The following GALNTL6 variants were observed in gnomAD, a reference collection of about 807,000 sequenced individuals.
GALNTL6 encodes the protein polypeptide N-acetylgalactosaminyltransferase-like 6.
A neutral mutation model predicts 73.7 loss-of-function variants in GALNTL6; 46 were observed. The ratio of observed to expected loss-of-function variants is 0.62; its 90% CI spans 0.49 to 0.80. The LOEUF (loss-of-function observed/expected upper bound fraction) is 0.80, where lower values mean the gene tolerates loss of function less well. GALNTL6 is among the 30% of genes least tolerant of loss of function. The pLI, the probability that GALNTL6 is intolerant of heterozygous loss-of-function variation, is 0.00. For missense variants in GALNTL6, 604 were observed against 755.0 expected, an observed-to-expected ratio of 0.80 and a Z score of 2.34; for synonymous variants, 259 against 263.7, an observed-to-expected ratio of 0.98 and a Z score of 0.17.
chr4:171,993,630 G>A (rs898199845), intron 2 of GALNTL6, among the ~76,000 whole-genome samples: 1 of 151,928 alleles, frequency 6.6e-6, no homozygotes, highest in Non-Finnish European at 1.5e-5. Context: ...TAGAGTAGAG[G>A]ACTGAAAAAT....
At chr4:172,172,691 T>C (rs1365231940) in intron 2 of GALNTL6, among the ~76,000 whole-genome samples, 1 of 152,132 alleles carries the variant, frequency 6.6e-6, no homozygotes, top group Non-Finnish European at 1.5e-5. Flanking sequence ...TAGTACTTTC[T>C]TACAGCACAG....
intron 9 of GALNTL6, among the ~76,000 whole-genome samples, chr4:172,934,579 A>G (rs1748512366): frequency 6.6e-6 from 1 of 152,232 alleles, no homozygotes; most frequent in Non-Finnish European, 1.5e-5. Flanking sequence ...AAGCGTATTC[A>G]CTTGACATTA....
At chr4:172,895,703 C>T (rs547330058) in intron 8 of GALNTL6, among the ~76,000 whole-genome samples, 1 of 152,054 alleles carries the variant, frequency 6.6e-6, no homozygotes, top group Non-Finnish European at 1.5e-5. Flanking sequence ...TTTAAACAAA[C>T]TTTATGTTCA....
At chr4:172,095,851 T>C (rs1179592393) in intron 2 of GALNTL6, among the ~76,000 whole-genome samples, 1 of 152,036 alleles carries the variant, frequency 6.6e-6, no homozygotes, top group African/African-American at 2.4e-5. Context: ...TATTTTTTAC[T>C]TATCCTAAGT....
In GALNTL6 at chr4:172,542,503, TTTC is replaced by T. The variant is rs565515426; in HGVS notation, c.553+193820_553+193822del. On this transcript the variant is annotated intron_variant, in intron 5 of 12. Coordinates refer to ENST00000506823, the MANE Select transcript of GALNTL6 (RefSeq NM_001034845.3). ...ATACCCTTACCATCTGCCTAAGTGA[TTTC>T]TTCTTAACTCTTGTATCATCAGGAC... is the stretch of plus-strand genomic sequence containing the variant. Among the ~76,000 whole-genome samples, 118 of 152,244 alleles carry T rather than the reference TTTC, an allele frequency of 7.8e-4. 1 individual carries two copies. Among genetic ancestry groups the T allele is most frequent in the African/African-American group, 2.7e-3 (112 of 41,560 alleles).
At chr4:172,294,347 G>A (rs1298831057) in intron 3 of GALNTL6, among the ~76,000 whole-genome samples, 1 of 151,812 alleles carries the variant, frequency 6.6e-6, no homozygotes, top group Non-Finnish European at 1.5e-5. Context: ...TTATTGTATT[G>A]CCCATTTTCT....
chr4:172,311,677 G>T lies in GALNTL6; in HGVS notation c.311G>T (p.Arg104Met). 1 of 1,611,738 alleles carries T rather than the reference G, an allele frequency of 6.2e-7. No individual in the cohort carries two copies. The highest frequency in any genetic ancestry group is 8.5e-7 in the Non-Finnish European group (1 of 1,178,454). Residue 104 changes from arginine to methionine, a missense_variant, in exon 4 of 13, where the codon AGG (arginine) becomes ATG (methionine). Arg to Met is a moderately conservative substitution (Grantham distance 91). Transcript: ENST00000506823. The stretch of plus-strand genomic sequence containing the variant: ...GAGGACCATGATGACTCAGCTTACA[G>T]GGAAAATGGTTTTAATATTTTCGTC... ...TEEDHDDSAY[R>M]ENGFNIFVSN... is the part of the protein sequence containing the mutation.
chr4:172,769,327 GAGT>G (rs1469995457), intron 5 of GALNTL6, among the ~76,000 whole-genome samples: 1 of 152,104 alleles, frequency 6.6e-6, no homozygotes, highest in Non-Finnish European at 1.5e-5. Context: ...GCTTGAATGA[GAGT>G]AGTGACAGTA....
chr4:172,177,798 TACACAC>T (rs66997029), intron 2 of GALNTL6, among the ~76,000 whole-genome samples: 4 of 134,860 alleles, frequency 3.0e-5, no homozygotes, highest in African/African-American at 1.3e-4. Context: ...TGTATATATA[TACACAC>T]ACATATATGT....
Position 172,502,325 on chromosome 4 carries a change from C to A in GALNTL6, c.553+153636C>A, listed in dbSNP as rs151223489. ...TGTTGCCTTACAAATTCAGGAGCTA[C>A]AGGTCATTTATTCCAGTGCTCTGAC... On this transcript the variant is annotated intron_variant, in intron 5 of 12. Transcript: ENST00000506823. Among the ~76,000 whole-genome samples the A allele has an allele frequency of 5.7e-3, 861 of 152,290 alleles. 6 individuals carry two copies. Among genetic ancestry groups the A allele is most frequent in the South Asian group, 0.033 (161 of 4,830 alleles).
At chr4:172,726,539 A>C (rs566420930) in intron 5 of GALNTL6, among the ~76,000 whole-genome samples, 1 of 152,288 alleles carries the variant, frequency 6.6e-6, no homozygotes, top group East Asian at 1.9e-4. Context: ...TATTACTATA[A>C]CTATCTTAAT....
At chr4:171,875,353 T>A (rs551376938) in intron 2 of GALNTL6, among the ~76,000 whole-genome samples, 2 of 152,296 alleles carry the variant, frequency 1.3e-5, no homozygotes, top group African/African-American at 4.8e-5. Context: ...TGCTGGACTA[T>A]TTCTTTAAGT....
chr4:172,227,857 A>G (rs1247376547), intron 2 of GALNTL6, among the ~76,000 whole-genome samples: 1 of 152,216 alleles, frequency 6.6e-6, no homozygotes, highest in East Asian at 1.9e-4. Context: ...TGTCCCTGGT[A>G]TTCAGAGAGA....
intron 4 of GALNTL6, among the ~76,000 whole-genome samples, chr4:172,316,693 C>T (rs572060640): frequency 1.6e-4 from 24 of 152,220 alleles, no homozygotes; most frequent in African/African-American, 5.5e-4. Context: ...GAGAGATAGC[C>T]CCAGAAACGA....
At chr4:172,499,614 A>G (rs1350524175) in intron 5 of GALNTL6, among the ~76,000 whole-genome samples, 1 of 152,252 alleles carries the variant, frequency 6.6e-6, no homozygotes, top group South Asian at 2.1e-4. Flanking sequence ...GAATGAGAAA[A>G]GAGAATCAAC....
intron 11 of GALNTL6, among the ~76,000 whole-genome samples, chr4:173,012,243 C>G (rs10030102): frequency 6.6e-6 from 1 of 152,158 alleles, no homozygotes; most frequent in African/African-American, 2.4e-5. Flanking sequence ...TCCTCTGGTG[C>G]CCATCTTGTA....
chr4:172,998,267 G>A (rs1183789687), intron 10 of GALNTL6, among the ~76,000 whole-genome samples: 1 of 152,176 alleles, frequency 6.6e-6, no homozygotes, highest in Non-Finnish European at 1.5e-5. Flanking sequence ...TGGTGTGATG[G>A]CTATGAGGCA....
intron 2 of GALNTL6, among the ~76,000 whole-genome samples, chr4:172,009,239 C>T (rs1979930): frequency 0.98 from 149,299 of 152,136 alleles, 73,318 homozygotes; most frequent in Middle Eastern, 1. Context: ...AACTTTGCCT[C>T]GCTGGTGAGG....
intron 5 of GALNTL6, among the ~76,000 whole-genome samples, chr4:172,523,279 A>G (rs1734844993): frequency 6.6e-6 from 1 of 152,206 alleles, no homozygotes; most frequent in African/African-American, 2.4e-5. Context: ...TGTGTTTTAA[A>G]TGACACCACT....
Sources: gnomAD v4.1 joint callset for allele counts (sites outside exome capture counted in the v4.1 genomes callset) on GRCh38, gnomAD v4.1.1 for gene constraint, MANE v1.5 for transcripts, NCBI Gene and HGNC (gene_info 2026-07-23, HGNC 2026-07-21) for gene names.